Variants in PHAF1 observed in about 807,000 individuals in gnomAD.
PHAF1 encodes the protein phagosome assembly factor 1.
In PHAF1, 23 loss-of-function variants were observed where a neutral mutation model predicts 63.1. The ratio of observed to expected loss-of-function variants is 0.36; its 90% CI spans 0.26 to 0.52. The LOEUF (loss-of-function observed/expected upper bound fraction) is 0.52, where lower values mean the gene tolerates loss of function less well. Among genes scored for constraint, PHAF1 ranks in the 20% least tolerant of loss-of-function variants. PHAF1 has a pLI of 0.93. For missense variants in PHAF1, 427 were observed against 517.2 expected (o/e 0.83, Z 1.69); for synonymous variants, 167 against 185.0 (o/e 0.90, Z 0.79).
intron 1 of PHAF1, among the ~76,000 whole-genome samples, chr16:67,110,590 C>T (rs993679301): frequency 2.0e-5 from 3 of 152,166 alleles, no homozygotes; most frequent in African/African-American, 7.2e-5. Context: ...TGTTGTTATT[C>T]CCATTTCCAT....
At chr16:67,133,501 T>TAAA (rs757439473) in intron 6 of PHAF1, among the ~76,000 whole-genome samples, 25 of 99,762 alleles carry the variant, frequency 2.5e-4, no homozygotes, top group Non-Finnish European at 4.3e-4. Context: ...CCAAAAATAT[T>TAAA]AAAAAAAAAA....
At chr16:67,111,596 C>A (rs1349152506) in intron 1 of PHAF1, among the ~76,000 whole-genome samples, 7 of 152,118 alleles carry the variant, frequency 4.6e-5, no homozygotes, top group Admixed American at 2.0e-4. Context: ...CTACATATGT[C>A]CTGTGTGTTG....
At chr16:67,137,153 T>C (rs1353783409) in intron 8 of PHAF1, among the ~76,000 whole-genome samples, 1 of 141,178 alleles carries the variant, frequency 7.1e-6, no homozygotes, top group Non-Finnish European at 1.5e-5. Context: ...AGACTCCTTC[T>C]CAAAAAAAAA....
chr16:67,126,594 G>C (rs1449929250), intron 3 of PHAF1, among the ~76,000 whole-genome samples: 1 of 144,238 alleles, frequency 6.9e-6, no homozygotes, highest in Non-Finnish European at 1.5e-5. Context: ...TTTTGTTTTT[G>C]GTTTTTTTTT....
chr16:67,114,934 C>A (rs561465375), intron 1 of PHAF1, among the ~76,000 whole-genome samples: 17 of 152,258 alleles, frequency 1.1e-4, no homozygotes, highest in Admixed American at 8.5e-4. Context: ...CACTTTTAAT[C>A]TGTTGGCTTT....
intron 8 of PHAF1, chr16:67,136,087 TGAGGTCAG>T (rs1963594496): frequency 6.6e-6 from 1 of 152,178 alleles, no homozygotes; most frequent in East Asian, 1.9e-4. Flanking sequence ...GTGGATTACC[TGAGGTCAG>T]GAGTTCAAGA....
chr16:67,141,750 T>C (rs908568310), intron 10 of PHAF1, among the ~76,000 whole-genome samples: 1 of 152,136 alleles, frequency 6.6e-6, no homozygotes, highest in East Asian at 1.9e-4. Flanking sequence ...CGGGCACCCA[T>C]GTCTGGACAA....
chr16:67,110,368 G>C (rs894716754), intron 1 of PHAF1, 129 bp downstream of exon 1: 1 of 1,050,782 alleles, frequency 9.5e-7, no homozygotes, highest in East Asian at 2.6e-5. Flanking sequence ...CTCTCGGCTC[G>C]CTGGGCTCCA....
intron 11 of PHAF1, 133 bp from the exon 12 acceptor site, chr16:67,144,701 A>ACTGT (rs1306861969): frequency 7.8e-6 from 8 of 1,027,508 alleles, no homozygotes; most frequent in Non-Finnish European, 1.2e-5. Flanking sequence ...CCCAGTGAAC[A>ACTGT]CTGTCAGGCA....
At chr16:67,137,464 G>A (rs1256792121) in intron 8 of PHAF1, among the ~76,000 whole-genome samples, 5 of 152,016 alleles carry the variant, frequency 3.3e-5, no homozygotes, top group African/African-American at 9.7e-5. Context: ...GATTACAGAC[G>A]TGTGCCACCA....
chr16:67,134,221 A>G lies in PHAF1; in HGVS notation c.504A>G (p.Val168=), dbSNP rs775597376. ...ASLQIPHGAT[V]KRMYIYSGNS... ...TCCAGATACCCCATGGAGCAACTGT[A>G]AAACGAATGTACATCTACAGTGGCA... is the stretch of plus-strand genomic sequence containing the variant. Residue 168 remains valine, a synonymous_variant, in exon 7 of 16, where the codon GTA becomes GTG. Transcript: ENST00000219139. 5 of 1,614,206 alleles carry G rather than the reference A, an allele frequency of 3.1e-6. No homozygotes were observed. The Admixed American group carries it at 6.7e-5, about 22-fold the overall frequency.
intron 3 of PHAF1, 106 bp from the exon 4 acceptor site, chr16:67,131,180 G>GT (rs71145961): frequency 0.25 from 62,120 of 248,522 alleles, 7,672 homozygotes; most frequent in Admixed American, 0.32. Flanking sequence ...ATTGGTAATA[G>GT]TTTTTTTTTT....
chr16:67,146,982 C>T (rs2030147727), intron 15 of PHAF1, 63 bp from the exon 16 acceptor site: 3 of 1,447,404 alleles, frequency 2.1e-6, no homozygotes, highest in African/African-American at 1.4e-5. Context: ...AGCCCTCATG[C>T]ACAGGATCTG....
intron 1 of PHAF1, among the ~76,000 whole-genome samples, chr16:67,110,536 G>A (rs1007682461): frequency 6.6e-6 from 1 of 152,118 alleles, no homozygotes; most frequent in Non-Finnish European, 1.5e-5. Context: ...CTTTTTGGAC[G>A]TAATTCTCTC....
chr16:67,127,206 G>A (rs1047245777), intron 3 of PHAF1, among the ~76,000 whole-genome samples: 11 of 152,224 alleles, frequency 7.2e-5, no homozygotes, highest in Admixed American at 2.6e-4. Context: ...AAATGCCTGG[G>A]CCTCACAGGT....
intron 9 of PHAF1, 77 bp from the exon 10 acceptor site, chr16:67,140,434 C>A: frequency 7.9e-7 from 1 of 1,262,320 alleles, no homozygotes; most frequent in African/African-American, 1.5e-5. Context: ...ACATGGAACA[C>A]AATTTGTAGA....
chr16:67,110,939 G>A (rs1418379767), intron 1 of PHAF1, among the ~76,000 whole-genome samples: 1 of 152,112 alleles, frequency 6.6e-6, no homozygotes, highest in Non-Finnish European at 1.5e-5. Flanking sequence ...AGCCTCCCCA[G>A]TAGCTAGGAT....
chr16:67,140,304 C>A (rs1247840826), intron 9 of PHAF1, among the ~76,000 whole-genome samples, 187 bp downstream of exon 9: 1 of 152,204 alleles, frequency 6.6e-6, no homozygotes, highest in African/African-American at 2.4e-5. Context: ...ATAGTGCCTA[C>A]CTTTCCTTAG....
intron 10 of PHAF1, among the ~76,000 whole-genome samples, chr16:67,141,853 G>C (rs1256621558): frequency 2.0e-5 from 3 of 152,330 alleles, no homozygotes; most frequent in African/African-American, 7.2e-5. Context: ...GGAGCTCCTA[G>C]GTCTGGGCTT....
Sources: allele counts gnomAD v4.1 joint callset (sites outside exome capture counted in the v4.1 genomes callset), GRCh38; gene constraint gnomAD v4.1.1; transcripts MANE v1.5; gene names NCBI Gene and HGNC (gene_info 2026-07-23, HGNC 2026-07-21).